Variants in RBFOX1 observed in about 807,000 individuals in gnomAD.
The protein encoded by RBFOX1 is RNA binding fox-1 homolog 1.
Under a neutral mutation model 57.7 loss-of-function variants are expected in RBFOX1, and 8 were observed. The observed-to-expected ratio is 0.14, with a 90% CI of 0.08 to 0.25. RBFOX1 has a LOEUF of 0.25. RBFOX1 is among the 10% of genes least tolerant of loss of function. The pLI, the probability that RBFOX1 is intolerant of heterozygous loss-of-function variation, is 1.00. For synonymous variants in RBFOX1, 326 were observed against 222.4 expected, an observed-to-expected ratio of 1.47 and a Z score of -4.15; for missense variants, 611 against 548.5, an observed-to-expected ratio of 1.11 and a Z score of -1.14.
intron 3 of RBFOX1, among the ~76,000 whole-genome samples, chr16:6,732,690 G>A (rs201838988): frequency 4.6e-5 from 7 of 152,174 alleles, no homozygotes; most frequent in East Asian, 3.9e-4. Flanking sequence ...GTATGTTGAC[G>A]TCCTCTGTTG....
At chr16:6,479,018 C>G (rs977107681) in intron 2 of RBFOX1, among the ~76,000 whole-genome samples, 2 of 152,120 alleles carry the variant, frequency 1.3e-5, no homozygotes, top group African/African-American at 4.8e-5. Context: ...TGCCACAAAA[C>G]TTCAATTTGT....
intron 4 of RBFOX1, among the ~76,000 whole-genome samples, chr16:7,192,177 A>G (rs984062614): frequency 2.6e-5 from 4 of 152,248 alleles, no homozygotes; most frequent in Non-Finnish European, 5.9e-5. Context: ...TAGCGGTTCT[A>G]GTTCTGATGC....
At chr16:6,168,273 A>G (rs948649973) in intron 1 of RBFOX1, among the ~76,000 whole-genome samples, 1 of 152,198 alleles carries the variant, frequency 6.6e-6, no homozygotes, top group African/African-American at 2.4e-5. Context: ...CATGGTGCGG[A>G]GGGTTTCAGG....
intron 3 of RBFOX1, among the ~76,000 whole-genome samples, chr16:6,809,845 T>C (rs2087968976): frequency 6.6e-6 from 1 of 152,176 alleles, no homozygotes; most frequent in Non-Finnish European, 1.5e-5. Flanking sequence ...TCGTACCAAG[T>C]GTAATTCACC....
intron 3 of RBFOX1, among the ~76,000 whole-genome samples, chr16:6,719,058 G>C (rs1335966368): frequency 1.3e-5 from 2 of 151,990 alleles, no homozygotes; most frequent in Non-Finnish European, 2.9e-5. Context: ...GTACAGATGA[G>C]ACTTTGCCAT....
intron 1 of RBFOX1, among the ~76,000 whole-genome samples, chr16:6,259,382 A>T (rs2152626415): frequency 6.6e-6 from 1 of 152,304 alleles, no homozygotes; most frequent in East Asian, 1.9e-4. Flanking sequence ...CAGGACTCAC[A>T]GCCTAAGCAA....
At chr16:7,194,157 T>C (rs1567653714) in intron 4 of RBFOX1, among the ~76,000 whole-genome samples, 1 of 152,218 alleles carries the variant, frequency 6.6e-6, no homozygotes, top group Non-Finnish European at 1.5e-5. Context: ...CTAGAGTGTC[T>C]TAAACATCTC....
In RBFOX1 at chr16:6,295,564, A is replaced by G. The variant is rs539689589; in HGVS notation, c.-126-21431A>G. On this transcript the variant is annotated intron_variant, in intron 1 of 15. Transcript: ENST00000550418. ...TTAAGTGTCAAATTCCAATACACCAATGAGAGATTTGAAGCAACCAGCAGG... is the reference window on the plus strand; with the variant it reads ...TTAAGTGTCAAATTCCAATACACCAGTGAGAGATTTGAAGCAACCAGCAGG... 7.9e-5 allele frequency among the ~76,000 whole-genome samples: 12 copies of G among 152,342 alleles called. No homozygotes were observed. The South Asian group carries it at 1.4e-3, about 18-fold the overall frequency.
rs1254989665 is a variant in RBFOX1, at chr16:6,509,979, A to C, written c.-63-144624A>C. Among the ~76,000 whole-genome samples, 4 of 152,162 alleles carry C rather than the reference A, an allele frequency of 2.6e-5. No individual in the cohort carries two copies. The East Asian group carries it at 7.7e-4, about 29-fold the overall frequency. On this transcript the variant is annotated intron_variant, in intron 2 of 15. Transcript: ENST00000550418. ...TCAAAGGCAAATGTGAAGTTGGCCA[A>C]CCTTAGACAATTGGCCACATGCGAT...
At chr16:5,494,528 G>T (rs995541398) in intron 2 of RBFOX1, among the ~76,000 whole-genome samples, 2 of 152,218 alleles carry the variant, frequency 1.3e-5, no homozygotes, top group Middle Eastern at 3.2e-3. Flanking sequence ...AGATGCTGTG[G>T]TCCAAGGATG....
intron 3 of RBFOX1, among the ~76,000 whole-genome samples, chr16:6,967,136 A>T (rs2084435033): frequency 6.6e-6 from 1 of 151,882 alleles, no homozygotes; most frequent in Admixed American, 6.6e-5. Context: ...CTATTTAAAC[A>T]TTCATCCATT....
chr16:7,509,871 A>G (rs1168736062), intron 4 of RBFOX1, among the ~76,000 whole-genome samples: 3 of 151,942 alleles, frequency 2.0e-5, no homozygotes, highest in Non-Finnish European at 4.4e-5. Flanking sequence ...CATACCATAT[A>G]TTTAGTTTAG....
intron 3 of RBFOX1, among the ~76,000 whole-genome samples, chr16:6,686,001 A>G (rs1170036501): frequency 3.3e-5 from 5 of 152,200 alleles, no homozygotes; most frequent in Admixed American, 6.5e-5. Flanking sequence ...CTTTTGCAAG[A>G]CAGAAAAAAT....
chr16:7,111,569 T>C (rs1279922906), intron 4 of RBFOX1, among the ~76,000 whole-genome samples: 2 of 152,124 alleles, frequency 1.3e-5, no homozygotes, highest in African/African-American at 2.4e-5. Flanking sequence ...TATCAGCTTA[T>C]CCTGTGTGTT....
In RBFOX1 at chr16:6,994,192, C is replaced by T. The variant is rs534917556; in HGVS notation, c.-15-57865C>T. Among the ~76,000 whole-genome samples the T allele has an allele frequency of 1.1e-4, 17 of 152,124 alleles. No homozygotes were observed. In the South Asian group the frequency reaches 2.1e-3, roughly 19 times the overall value. On this transcript the variant is annotated intron_variant, in intron 3 of 15. Transcript: ENST00000550418. ...CCACAGGAAGCTCCTTTCCAGTCTG[C>T]AAAATTAGAAGGAGGAAAACACTGC...
At chr16:6,185,654 A>G (rs2097100585) in intron 1 of RBFOX1, among the ~76,000 whole-genome samples, 1 of 152,252 alleles carries the variant, frequency 6.6e-6, no homozygotes. Context: ...ATAGAATATA[A>G]TATTTCACCC....
At chr16:6,819,119 T>A (rs935501818) in intron 3 of RBFOX1, among the ~76,000 whole-genome samples, 12 of 152,280 alleles carry the variant, frequency 7.9e-5, no homozygotes, top group South Asian at 2.1e-4. Flanking sequence ...TCCAACAATT[T>A]CCATGTGGGC....
At chr16:6,859,199 A>ATATATG (rs2058572448) in intron 3 of RBFOX1, among the ~76,000 whole-genome samples, 3 of 107,770 alleles carry the variant, frequency 2.8e-5, no homozygotes, top group Non-Finnish European at 5.9e-5. Context: ...ATATATATGT[A>ATATATG]TATATATATA....
intron 3 of RBFOX1, among the ~76,000 whole-genome samples, chr16:6,818,227 G>A (rs1025825649): frequency 6.6e-6 from 1 of 152,072 alleles, no homozygotes; most frequent in African/African-American, 2.4e-5. Flanking sequence ...CGAAATGTTA[G>A]CAGACATGAT....
Sources: allele counts gnomAD v4.1 joint callset (sites outside exome capture counted in the v4.1 genomes callset), GRCh38; gene constraint gnomAD v4.1.1; transcripts MANE v1.5; gene names NCBI Gene and HGNC (gene_info 2026-07-23, HGNC 2026-07-21).